Variants in LOC728743 observed in about 807,000 individuals in gnomAD.
chr7:150,407,096 T>TA, the LOC728743 span, among the ~76,000 whole-genome samples: 4 of 152,142 alleles, frequency 2.6e-5, no homozygotes, highest in Non-Finnish European at 5.9e-5. Flanking sequence ...TAGACGAAGG[T>TA]AACTGAAAAT....
the LOC728743 span, among the ~76,000 whole-genome samples, chr7:150,408,883 G>C: frequency 6.6e-6 from 1 of 152,204 alleles, no homozygotes; most frequent in Non-Finnish European, 1.5e-5. Flanking sequence ...AGCCTTAGTT[G>C]ATTCTGCCAC....
At chr7:150,401,262 A>T in the LOC728743 span, among the ~76,000 whole-genome samples, 1 of 152,180 alleles carries the variant, frequency 6.6e-6, no homozygotes, top group African/African-American at 2.4e-5. Flanking sequence ...CACGAGCTTC[A>T]AGTCGTCCGG....
the LOC728743 span, chr7:150,411,330 C>T: frequency 2.6e-5 from 4 of 152,478 alleles, no homozygotes; most frequent in African/African-American, 4.8e-5. Flanking sequence ...ATGAGGGCCT[C>T]GCTCCTGGTG....
the LOC728743 span, among the ~76,000 whole-genome samples, chr7:150,401,609 T>G: frequency 2.6e-5 from 4 of 152,222 alleles, no homozygotes; most frequent in Non-Finnish European, 5.9e-5. Context: ...GGGAAATGAA[T>G]GGACTCCCTT....
At chr7:150,409,212 T>C in the LOC728743 span, among the ~76,000 whole-genome samples, 2 of 150,572 alleles carry the variant, frequency 1.3e-5, no homozygotes, top group South Asian at 4.3e-4. Flanking sequence ...TACAAAGGAC[T>C]TCGTGGTCAG....
chr7:150,408,660 G>A, the LOC728743 span, among the ~76,000 whole-genome samples: 2 of 152,208 alleles, frequency 1.3e-5, no homozygotes, highest in African/African-American at 2.4e-5. Context: ...AGTTGAAAGA[G>A]ACTTGGAGAG....
chr7:150,410,305 C>T, the LOC728743 span: 8 of 397,692 alleles, frequency 2.0e-5, no homozygotes, highest in Non-Finnish European at 2.2e-5. Flanking sequence ...TCAAGAGGTG[C>T]ACTGCGGTGA....
the LOC728743 span, chr7:150,408,314 T>C: frequency 2.8e-6 from 1 of 358,968 alleles, no homozygotes; most frequent in East Asian, 4.1e-5. Context: ...GCTCCCTCTC[T>C]AGATGGGATC....
the LOC728743 span, among the ~76,000 whole-genome samples, chr7:150,402,837 G>T: frequency 5.3e-5 from 8 of 152,294 alleles, no homozygotes; most frequent in African/African-American, 1.7e-4. Flanking sequence ...TGATCTGTTT[G>T]TCCACCTGTT....
the LOC728743 span, among the ~76,000 whole-genome samples, chr7:150,406,782 A>G: frequency 6.6e-6 from 1 of 152,184 alleles, no homozygotes; most frequent in Non-Finnish European, 1.5e-5. Context: ...GCCTTGGGCC[A>G]GGCTTTGCTG....
the LOC728743 span, chr7:150,410,644 T>G: frequency 1.3e-5 from 2 of 156,150 alleles, no homozygotes; most frequent in African/African-American, 4.8e-5. Context: ...TTTTCCTTTC[T>G]GAGCAGTGCT....
the LOC728743 span, among the ~76,000 whole-genome samples, chr7:150,401,803 G>C: frequency 6.6e-6 from 1 of 152,180 alleles, no homozygotes; most frequent in Non-Finnish European, 1.5e-5. Flanking sequence ...TGGCTTGTAC[G>C]GCTGAGGAAC....
At chr7:150,406,922 A>C in the LOC728743 span, among the ~76,000 whole-genome samples, 1 of 152,180 alleles carries the variant, frequency 6.6e-6, no homozygotes, top group Non-Finnish European at 1.5e-5. Context: ...TTAATGTTTA[A>C]CCGAGGTCAC....
the LOC728743 span, chr7:150,411,122 G>A: frequency 6.6e-6 from 1 of 152,356 alleles, no homozygotes; most frequent in Non-Finnish European, 1.5e-5. Context: ...CCACAAAGGA[G>A]CCCTTTGCTC....
At chr7:150,410,116 C>T in the LOC728743 span, 1 of 398,734 alleles carries the variant, frequency 2.5e-6, no homozygotes, top group Non-Finnish European at 4.4e-6. Context: ...AGGGCCATGT[C>T]ACGGCTCCAC....
chr7:150,404,549 A>C, the LOC728743 span: 1 of 152,292 alleles, frequency 6.6e-6, no homozygotes, highest in Admixed American at 6.5e-5. Flanking sequence ...CCACGAGATC[A>C]TAACATGGAA....
chr7:150,407,545 C>G, the LOC728743 span: 1 of 398,110 alleles, frequency 2.5e-6, no homozygotes, highest in East Asian at 3.6e-5. Context: ...ACCCCTCTCT[C>G]TCCACCCCCC....
chr7:150,410,034 A>G, the LOC728743 span: 1 of 397,950 alleles, frequency 2.5e-6, no homozygotes, highest in Non-Finnish European at 4.4e-6. Flanking sequence ...AAGAGGATTC[A>G]TTCAAACCCT....
At chr7:150,408,847 G>T in the LOC728743 span, among the ~76,000 whole-genome samples, 5 of 152,350 alleles carry the variant, frequency 3.3e-5, no homozygotes, top group South Asian at 1.0e-3. Flanking sequence ...TACTGGATGA[G>T]AGAGGGTGAG....
Sources: allele counts gnomAD v4.1 joint callset (sites outside exome capture counted in the v4.1 genomes callset), GRCh38; gene constraint gnomAD v4.1.1; transcripts MANE v1.5.